The following SKIL variants were observed in gnomAD, a reference collection of about 807,000 sequenced individuals.
SKIL encodes SKI like proto-oncogene.
A neutral mutation model predicts 69.6 loss-of-function variants in SKIL; 20 were observed. The ratio of observed to expected loss-of-function variants is 0.29; its 90% CI spans 0.20 to 0.42. The LOEUF (loss-of-function observed/expected upper bound fraction) is 0.42. SKIL is among the 10% of genes least tolerant of loss of function. The probability of loss-of-function intolerance (pLI) is 1.00; values close to 1 mark genes in which losing one functional copy is unlikely to be tolerated. For synonymous variants in SKIL, 310 were observed against 279.9 expected, an observed-to-expected ratio of 1.11 and a Z score of -1.08; for missense variants, 745 against 783.1, an observed-to-expected ratio of 0.95 and a Z score of 0.58.
At chr3:170,364,576 CCT>C (rs916969185) in intron 2 of SKIL, among the ~76,000 whole-genome samples, 37 of 151,664 alleles carry the variant, frequency 2.4e-4, no homozygotes, top group African/African-American at 7.7e-4. Flanking sequence ...ACCTCCTCGT[CCT>C]CTCAATTGCT....
At chr3:170,370,169 G>T (rs1736731160) in intron 2 of SKIL, among the ~76,000 whole-genome samples, 4 of 152,256 alleles carry the variant, frequency 2.6e-5, no homozygotes, top group South Asian at 4.1e-4. Flanking sequence ...AACCCGGGAG[G>T]CGGAGCTTGC....
chr3:170,359,352 T>C (rs553807619), intron 1 of SKIL, among the ~76,000 whole-genome samples: 11 of 152,292 alleles, frequency 7.2e-5, no homozygotes, highest in African/African-American at 2.6e-4. Flanking sequence ...TTCCAGCACT[T>C]TGGGAGGCCC....
Position 170,365,095 on chromosome 3 carries a change from C to T in SKIL, c.1098+3666C>T, listed in dbSNP as rs6763733. Among the ~76,000 whole-genome samples, 434 of 152,226 alleles carry T rather than the reference C, an allele frequency of 2.9e-3. 6 individuals carry two copies. Among genetic ancestry groups the T allele is most frequent in the African/African-American group, 9.9e-3 (410 of 41,530 alleles). ...TTGTTTTATTATGCTTACCACTTCACGTTTTAAAAACGTACTCAGAACATT... is the reference window on the plus strand; with the variant it reads ...TTGTTTTATTATGCTTACCACTTCATGTTTTAAAAACGTACTCAGAACATT... On this transcript the variant is annotated intron_variant, in intron 2 of 6. Coordinates refer to ENST00000259119, the MANE Select transcript of SKIL (RefSeq NM_005414.5).
At chr3:170,374,371 G>A (rs1041637495) in intron 2 of SKIL, among the ~76,000 whole-genome samples, 3 of 151,948 alleles carry the variant, frequency 2.0e-5, no homozygotes, top group Non-Finnish European at 2.9e-5. Context: ...GGGGAAATTG[G>A]GTGATAAGAG....
chr3:170,382,348 C>T (rs928780524), intron 3 of SKIL, among the ~76,000 whole-genome samples: 4 of 151,546 alleles, frequency 2.6e-5, no homozygotes, highest in South Asian at 2.1e-4. Context: ...TGGAAGTTCT[C>T]CTTTAATTTC....
chr3:170,383,767 T>G (rs1737478586), intron 3 of SKIL, among the ~76,000 whole-genome samples: 1 of 152,122 alleles, frequency 6.6e-6, no homozygotes, highest in South Asian at 2.1e-4. Flanking sequence ...TCACTGAGCC[T>G]CCTGTGAGTC....
At chr3:170,362,167 CAGCT>C (rs1229579899) in intron 2 of SKIL, among the ~76,000 whole-genome samples, 25 of 152,212 alleles carry the variant, frequency 1.6e-4, no homozygotes, top group South Asian at 4.1e-4. Context: ...AAAAAAATGA[CAGCT>C]AGAGTAAGGA....
At chr3:170,383,401 A>G (rs1041031213) in intron 3 of SKIL, among the ~76,000 whole-genome samples, 2 of 152,180 alleles carry the variant, frequency 1.3e-5, no homozygotes, top group Non-Finnish European at 2.9e-5. Context: ...GTAAGAGGAG[A>G]TTGTCTGGAG....
intron 4 of SKIL, among the ~76,000 whole-genome samples, chr3:170,385,845 A>G (rs1010047130): frequency 1.4e-5 from 2 of 145,764 alleles, no homozygotes; most frequent in African/African-American, 5.1e-5. Context: ...CTTGTTGCCC[A>G]GGCTGGAGTA....
At chr3:170,358,086 T>A (rs1736024247) in intron 1 of SKIL, among the ~76,000 whole-genome samples, 1 of 151,742 alleles carries the variant, frequency 6.6e-6, no homozygotes, top group African/African-American at 2.4e-5. Flanking sequence ...ACCGCCCCCC[T>A]CCCCCAGTCC....
At chr3:170,385,733 T>G (rs1217022582) in intron 4 of SKIL, among the ~76,000 whole-genome samples, 1 of 152,136 alleles carries the variant, frequency 6.6e-6, no homozygotes, top group South Asian at 2.1e-4. Context: ...AGTTGGAGGG[T>G]CCTCTATTTA....
Position 170,392,413 on chromosome 3 carries a change from A to T in SKIL, c.2051A>T (p.Glu684Val). ...CTGAAATCATCAAAGACTGCTAAAG[A>T]ATAGAAACTGTTAAAGAGATTCATC... ...QILKSSKTAKE is the reference protein window; with the variant it reads ...QILKSSKTAKV Residue 684 changes from glutamate (E) to valine (V), a missense_variant, in exon 7 of 7, where the codon GAA becomes GTA. Physicochemically the swap from Glu to Val is moderately radical, Grantham distance 121. Transcript: ENST00000259119. The T allele has an allele frequency of 1.9e-6, 3 of 1,604,216 alleles. No individual in the cohort carries two copies. Among genetic ancestry groups the T allele is most frequent in the Non-Finnish European group, 2.6e-6 (3 of 1,174,362 alleles).
intron 2 of SKIL, among the ~76,000 whole-genome samples, chr3:170,362,049 A>C (rs753505679): frequency 6.6e-6 from 1 of 152,088 alleles, no homozygotes; most frequent in Non-Finnish European, 1.5e-5. Context: ...TCAGAGATAC[A>C]CCTATGATTT....
At chr3:170,391,593 A>G (rs1737926879) in intron 6 of SKIL, among the ~76,000 whole-genome samples, 2 of 152,160 alleles carry the variant, frequency 1.3e-5, no homozygotes, top group African/African-American at 2.4e-5. Flanking sequence ...TGCTGGGATT[A>G]CAAGCATGAG....
At chr3:170,383,530 T>G (rs1311793346) in intron 3 of SKIL, among the ~76,000 whole-genome samples, 3 of 152,216 alleles carry the variant, frequency 2.0e-5, no homozygotes, top group East Asian at 3.8e-4. Flanking sequence ...CCCATGAGCT[T>G]CTCACATGAG....
rs1011675971 is a variant in SKIL at position 170,393,481 on chromosome 3, A to G, written c.*1064A>G. ...TCAACTGATAGTACATGATAGGTGC[A>G]TATAGGACAGTTTAGTTACCTGCTA... On this transcript the variant is annotated 3_prime_UTR_variant, in exon 7 of 7. Coordinates refer to ENST00000259119, the MANE Select transcript of SKIL (RefSeq NM_005414.5). The G allele has an allele frequency of 2.0e-5, 3 of 152,208 alleles. No homozygotes were observed. The highest frequency in any genetic ancestry group is 4.8e-5 in the African/African-American group (2 of 41,450). 9.4% of individuals were successfully genotyped at this position (152,208 alleles called of 1,614,324 possible).
chr3:170,387,156 T>C (rs1053367423), intron 4 of SKIL, among the ~76,000 whole-genome samples: 1 of 152,110 alleles, frequency 6.6e-6, no homozygotes, highest in Non-Finnish European at 1.5e-5. Context: ...TAGCTGGGAT[T>C]ACAGGCGTGT....
intron 4 of SKIL, among the ~76,000 whole-genome samples, chr3:170,387,774 A>T (rs1293209560): frequency 2.4e-5 from 3 of 123,488 alleles, no homozygotes; most frequent in African/African-American, 8.3e-5. Flanking sequence ...AAAAAAAAAA[A>T]TACAAAAAAA....
At chr3:170,391,728 A>G (rs1737933511) in intron 6 of SKIL, among the ~76,000 whole-genome samples, 1 of 152,158 alleles carries the variant, frequency 6.6e-6, no homozygotes. Context: ...ATTGTCCAAG[A>G]TGATTATTTT....
Sources: gnomAD v4.1 joint callset for allele counts (sites outside exome capture counted in the v4.1 genomes callset) on GRCh38, gnomAD v4.1.1 for gene constraint, MANE v1.5 for transcripts, NCBI Gene and HGNC (gene_info 2026-07-23, HGNC 2026-07-21) for gene names.